Variants in ARMH3 observed in about 807,000 individuals in gnomAD.
The protein encoded by ARMH3 is armadillo like helical domain containing 3, also known as armadillo-like helical domain-containing protein 3.
In ARMH3, 60 loss-of-function variants were observed where a neutral mutation model predicts 99.1. The observed-to-expected ratio is 0.61, with a 90% CI of 0.49 to 0.75. ARMH3 has a LOEUF of 0.75. Among genes scored for constraint, ARMH3 ranks in the 30% least tolerant of loss-of-function variants. The pLI is 0.00. For missense variants in ARMH3, 679 were observed against 843.1 expected (o/e 0.81, Z 2.41); for synonymous variants, 285 against 292.8 (o/e 0.97, Z 0.27).
chr10:102,053,825 AT>A (rs1227168408), intron 1 of ARMH3, among the ~76,000 whole-genome samples: 1 of 151,792 alleles, frequency 6.6e-6, no homozygotes, highest in Non-Finnish European at 1.5e-5. Flanking sequence ...CACCCGGCTA[AT>A]TTTTTGTATT....
chr10:102,000,665 G>A (rs2066337347), intron 15 of ARMH3, among the ~76,000 whole-genome samples: 2 of 151,094 alleles, frequency 1.3e-5, no homozygotes, highest in African/African-American at 4.9e-5. Context: ...AGCTACTCAG[G>A]AGCCTGAGGT....
intron 22 of ARMH3, among the ~76,000 whole-genome samples, chr10:101,947,410 G>A (rs1228046277): frequency 1.3e-5 from 2 of 152,022 alleles, no homozygotes; most frequent in Non-Finnish European, 2.9e-5. Context: ...TGAGGCAGGA[G>A]GATCACTTGA....
intron 23 of ARMH3, among the ~76,000 whole-genome samples, chr10:101,897,013 G>C (rs1276526254): frequency 6.6e-6 from 1 of 152,186 alleles, no homozygotes; most frequent in Non-Finnish European, 1.5e-5. Context: ...TGTTGAGGGG[G>C]GTGGCAGGGT....
chr10:101,913,620 C>T (rs1176677614), intron 23 of ARMH3, among the ~76,000 whole-genome samples: 1 of 152,170 alleles, frequency 6.6e-6, no homozygotes, highest in East Asian at 1.9e-4. Context: ...CCTGCCTCGG[C>T]CTCCCAAAGT....
At chr10:101,909,303 A>C (rs912174191) in intron 23 of ARMH3, among the ~76,000 whole-genome samples, 120 of 151,736 alleles carry the variant, frequency 7.9e-4, no homozygotes, top group East Asian at 7.9e-4. Context: ...GTTATTCAGA[A>C]GGCTGATGCA....
At chr10:101,899,900 T>A (rs780675543) in intron 23 of ARMH3, among the ~76,000 whole-genome samples, 1 of 152,146 alleles carries the variant, frequency 6.6e-6, no homozygotes, top group African/African-American at 2.4e-5. Context: ...GCAAGAAGGA[T>A]AAACTACTGA....
Position 102,037,183 on chromosome 10 carries a change from CT to C in ARMH3, c.102+2829del, listed in dbSNP as rs201412666. 9.8e-3 allele frequency among the ~76,000 whole-genome samples: 1,351 copies of C among 137,336 alleles called. 5 individuals carry two copies. The highest frequency in any genetic ancestry group is 0.031 in the African/African-American group (1,166 of 37,650). 90.1% of individuals were successfully genotyped at this position (137,336 alleles called of 152,430 possible). A position where few individuals can be genotyped will look rare whatever the true frequency, so the allele number is the denominator to read the frequency against. On this transcript the variant is annotated intron_variant, in intron 2 of 25. Transcript: ENST00000370033. ...AATAATCTCTTCTGGATTTTGTTTT[CT>C]TTTTTTTTTTTTTTTGAGATGGATT...
At chr10:102,017,930 C>T (rs1344807424) in intron 8 of ARMH3, among the ~76,000 whole-genome samples, 1 of 152,178 alleles carries the variant, frequency 6.6e-6, no homozygotes, top group Non-Finnish European at 1.5e-5. Context: ...TGTTACCCAT[C>T]ACTTTCAACC....
intron 23 of ARMH3, among the ~76,000 whole-genome samples, chr10:101,917,715 T>C (rs1215167898): frequency 2.6e-5 from 4 of 152,250 alleles, no homozygotes; most frequent in Non-Finnish European, 4.4e-5. Flanking sequence ...TTTTCTGTGA[T>C]GCTTCTCTTT....
At chr10:101,929,025 C>T (rs150754866) in intron 23 of ARMH3, among the ~76,000 whole-genome samples, 1 of 152,330 alleles carries the variant, frequency 6.6e-6, no homozygotes, top group African/African-American at 2.4e-5. Context: ...GCCACCACAC[C>T]TGGCCAATAA....
chr10:101,886,125 A>G (rs925993699), intron 24 of ARMH3, among the ~76,000 whole-genome samples: 1 of 152,074 alleles, frequency 6.6e-6, no homozygotes, highest in African/African-American at 2.4e-5. Flanking sequence ...TAAAAAAAAA[A>G]GAGGTAAAAA....
At chr10:101,935,803 A>G (rs992486528) in intron 23 of ARMH3, among the ~76,000 whole-genome samples, 5 of 152,236 alleles carry the variant, frequency 3.3e-5, no homozygotes, top group Non-Finnish European at 7.3e-5. Flanking sequence ...TTTTATAAAC[A>G]GCAGAAACAA....
chr10:101,859,717 G>C (rs2066818290), intron 24 of ARMH3, among the ~76,000 whole-genome samples: 1 of 152,236 alleles, frequency 6.6e-6, no homozygotes, highest in Non-Finnish European at 1.5e-5. Context: ...TGATCTTTGA[G>C]CAGCCAGGTT....
At chr10:101,963,669 G>C (rs1048208946) in intron 20 of ARMH3, among the ~76,000 whole-genome samples, 1 of 151,880 alleles carries the variant, frequency 6.6e-6, no homozygotes, top group Non-Finnish European at 1.5e-5. Context: ...GCACGATCTC[G>C]GCTCTCCGCG....
At chr10:101,933,215 A>C (rs1450487153) in intron 23 of ARMH3, among the ~76,000 whole-genome samples, 2 of 152,148 alleles carry the variant, frequency 1.3e-5, no homozygotes, top group African/African-American at 4.8e-5. Context: ...AAAATGGTAA[A>C]TTTTATGTTA....
At chr10:101,893,136 C>A (rs1187553132) in intron 23 of ARMH3, among the ~76,000 whole-genome samples, 1 of 152,150 alleles carries the variant, frequency 6.6e-6, no homozygotes, top group Non-Finnish European at 1.5e-5. Flanking sequence ...GTTTAGAGAA[C>A]TGATAATCCC....
chr10:101,985,112 CGT>C (rs1268141476), intron 19 of ARMH3, among the ~76,000 whole-genome samples: 7 of 145,432 alleles, frequency 4.8e-5, no homozygotes, highest in Admixed American at 3.5e-4. Flanking sequence ...CACACACACA[CGT>C]GTACATATAT....
intron 1 of ARMH3, among the ~76,000 whole-genome samples, chr10:102,048,517 C>A (rs1473593576): frequency 6.6e-6 from 1 of 152,224 alleles, no homozygotes. Context: ...ACCTCCGCTT[C>A]CTGGGTTCCA....
intron 23 of ARMH3, 121 bp from the exon 24 acceptor site, chr10:101,889,611 G>A (rs1328685824): frequency 5.7e-6 from 5 of 879,096 alleles, no homozygotes; most frequent in African/African-American, 3.3e-5. Flanking sequence ...ATTGTGACTG[G>A]GTAACTTCCT....
Sources: allele counts gnomAD v4.1 joint callset (sites outside exome capture counted in the v4.1 genomes callset), GRCh38; gene constraint gnomAD v4.1.1; transcripts MANE v1.5; gene names NCBI Gene and HGNC (gene_info 2026-07-23, HGNC 2026-07-21).